Variants in KAT6B observed in about 807,000 individuals in gnomAD.
KAT6B encodes the protein lysine acetyltransferase 6B.
A neutral mutation model predicts 187.5 loss-of-function variants in KAT6B; 10 were observed. That is an observed-to-expected ratio of 0.05 (90% CI 0.03 to 0.09). The LOEUF is 0.09. Among genes scored for constraint, KAT6B ranks in the 10% least tolerant of loss-of-function variants. The probability of loss-of-function intolerance (pLI) is 1.00; values close to 1 mark genes in which losing one functional copy is unlikely to be tolerated. For missense variants in KAT6B, 1,952 were observed against 2,558.9 expected, an observed-to-expected ratio of 0.76 and a Z score of 5.12; for synonymous variants, 861 against 926.8, an observed-to-expected ratio of 0.93 and a Z score of 1.29.
rs1291163835 is a variant in KAT6B at position 74,826,666 on chromosome 10, T to C, written c.-448T>C. ...CACAAAATGGCGGCGGCTTAGCTCC[T>C]ACCCCTGGCGGCGGCGGCAGCGGTG... On this transcript the variant is annotated 5_prime_UTR_variant, in exon 1 of 18. Transcript: ENST00000287239. 6.5e-6 allele frequency: 1 copy of C among 153,622 alleles called. No individual in the cohort carries two copies. Among genetic ancestry groups the C allele is most frequent in the Admixed American group, 6.6e-5 (1 of 15,256 alleles). The allele number at this position is 153,622 out of a possible 1,614,324, so 9.5% of individuals were successfully genotyped here.
At chr10:74,911,511 G>A (rs1385337384) in intron 3 of KAT6B, among the ~76,000 whole-genome samples, 5 of 151,792 alleles carry the variant, frequency 3.3e-5, no homozygotes, top group African/African-American at 7.3e-5. Flanking sequence ...CAAGTGATCC[G>A]CCTGCTTCAG....
chr10:74,891,533 AT>A (rs1266724615), intron 3 of KAT6B, among the ~76,000 whole-genome samples: 3 of 152,240 alleles, frequency 2.0e-5, no homozygotes, highest in African/African-American at 7.2e-5. Context: ...AACATGTATT[AT>A]TTATCATTTT....
At chr10:74,968,433 T>C (rs1193968630) in intron 4 of KAT6B, among the ~76,000 whole-genome samples, 1 of 152,072 alleles carries the variant, frequency 6.6e-6, no homozygotes, top group Non-Finnish European at 1.5e-5. Context: ...ACGGTATTGG[T>C]GATTGATTTT....
Position 75,030,862 on chromosome 10 carries a change from T to A in KAT6B, c.6038T>A (p.Met2013Lys), listed in dbSNP as rs747788158. The A allele has an allele frequency of 2.5e-6, 4 of 1,614,066 alleles. No individual in the cohort carries two copies. The highest frequency in any genetic ancestry group is 2.5e-6 in the Non-Finnish European group (3 of 1,180,048). The change falls in exon 18 of 18, where the codon ATG becomes AAG. Residue 2013 changes from methionine (M) to lysine (K), a missense_variant. By Grantham distance (95) the Met-to-Lys change is moderately conservative. Around this residue, in one of 9 missense-constraint regions of KAT6B, gnomAD observed 358 missense variants for 436.3 expected, o/e 0.82. Transcript: ENST00000287239. The surrounding 1 kb of genome is among the most constrained non-coding windows in gnomAD (Gnocchi z 4.8). ...NSGYHSNHGY[M>K]NQTPQYPMQM... Reference sequence around the variant, plus strand: ...GGCTACCACAGCAATCATGGCTATATGAATCAAACGCCCCAATACCCTATG... The same window carrying A: ...GGCTACCACAGCAATCATGGCTATAAGAATCAAACGCCCCAATACCCTATG...
chr10:74,911,591 AATTCC>A (rs1218747269), intron 3 of KAT6B, among the ~76,000 whole-genome samples: 3 of 152,062 alleles, frequency 2.0e-5, no homozygotes, highest in Non-Finnish European at 4.4e-5. Context: ...CTGTTTTTAC[AATTCC>A]ATGCCATGTT....
chr10:74,996,548 A>T (rs1843441690), intron 13 of KAT6B, among the ~76,000 whole-genome samples: 1 of 151,998 alleles, frequency 6.6e-6, no homozygotes, highest in South Asian at 2.1e-4. Flanking sequence ...AGGCAGGCAG[A>T]TCACGAGGTC....
intron 7 of KAT6B, 75 bp from the exon 8 acceptor site, chr10:74,975,324 C>A: frequency 8.3e-7 from 1 of 1,205,242 alleles, no homozygotes; most frequent in Non-Finnish European, 1.2e-6. Flanking sequence ...CATCTAGTTG[C>A]AATAAATTTG....
At chr10:74,842,136 T>C (rs1841789390) in intron 2 of KAT6B, among the ~76,000 whole-genome samples, 2 of 152,238 alleles carry the variant, frequency 1.3e-5, no homozygotes, top group African/African-American at 4.8e-5. Context: ...TTTTTACGTA[T>C]GAGACTTGGG....
chr10:74,968,113 A>G (rs577133572), intron 4 of KAT6B, among the ~76,000 whole-genome samples: 2 of 152,258 alleles, frequency 1.3e-5, no homozygotes, highest in Non-Finnish European at 2.9e-5. Context: ...GAGGGCTCTG[A>G]TCAAAGTAGA....
At chr10:74,873,980 CATTA>C (rs1844208278) in intron 3 of KAT6B, among the ~76,000 whole-genome samples, 1 of 151,714 alleles carries the variant, frequency 6.6e-6, no homozygotes, top group Non-Finnish European at 1.5e-5. Flanking sequence ...AATTGTCTCT[CATTA>C]ATTGATTGTG....
intron 3 of KAT6B, among the ~76,000 whole-genome samples, chr10:74,888,244 A>G (rs1442455579): frequency 6.6e-6 from 1 of 152,212 alleles, no homozygotes; most frequent in Non-Finnish European, 1.5e-5. Flanking sequence ...CTGGGAAGTG[A>G]TGAATAAATT....
chr10:74,901,370 G>C (rs529594869), intron 3 of KAT6B, among the ~76,000 whole-genome samples: 1 of 152,340 alleles, frequency 6.6e-6, no homozygotes, highest in East Asian at 1.9e-4. Flanking sequence ...ACTTCTGGCT[G>C]TGTGGGCAGG....
intron 3 of KAT6B, among the ~76,000 whole-genome samples, chr10:74,942,451 C>A (rs1849739559): frequency 6.6e-6 from 1 of 151,938 alleles, no homozygotes; most frequent in Non-Finnish European, 1.5e-5. Flanking sequence ...CTTTTGTCAA[C>A]CTGATAAAAG....
At chr10:74,918,227 T>TATA (rs2133022039) in intron 3 of KAT6B, among the ~76,000 whole-genome samples, 1 of 152,352 alleles carries the variant, frequency 6.6e-6, no homozygotes, top group Non-Finnish European at 1.5e-5. Context: ...GGGCACCTAT[T>TATA]ATATGGCAGG....
chr10:75,022,064 A>G lies in KAT6B; in HGVS notation c.3205A>G (p.Ser1069Gly), dbSNP rs1234114520. The change falls in exon 16 of 18, where the codon AGT becomes GGT. Residue 1069 changes from serine to glycine, a missense_variant. Ser to Gly is a moderately conservative substitution (Grantham distance 56). Around this residue, in one of 9 missense-constraint regions of KAT6B, gnomAD observed 758 missense variants for 891.4 expected, o/e 0.85. Coordinates refer to ENST00000287239, the MANE Select transcript of KAT6B (RefSeq NM_012330.4). ...GQLLELSKES[S>G]EEEEEEEDEE... ...GCTGCTGGAGCTGTCTAAAGAGAGC[A>G]GTGAAGAAGAAGAGGAGGAGGAGGA... The G allele has an allele frequency of 1.9e-6, 3 of 1,613,782 alleles. No homozygotes were observed. The highest frequency in any genetic ancestry group is 2.5e-6 in the Non-Finnish European group (3 of 1,179,926).
intron 3 of KAT6B, among the ~76,000 whole-genome samples, chr10:74,897,780 A>G (rs1190357407): frequency 2.6e-5 from 4 of 152,226 alleles, no homozygotes; most frequent in African/African-American, 9.6e-5. Context: ...TTAAAAATTT[A>G]AATGTCTTCA....
chr10:74,825,155 G>C (rs927822660), upstream of KAT6B, among the ~76,000 whole-genome samples: 6 of 152,162 alleles, frequency 3.9e-5, no homozygotes, highest in African/African-American at 7.2e-5. The surrounding 1 kb of genome is among the most constrained non-coding windows in gnomAD (Gnocchi z 5.0). Context: ...GCGATCGCCC[G>C]AAGGCGCAAA....
chr10:74,859,072 G>T (rs188316959), intron 3 of KAT6B, among the ~76,000 whole-genome samples: 148 of 151,978 alleles, frequency 9.7e-4, no homozygotes, highest in African/African-American at 3.5e-3. Context: ...AACATCTGAA[G>T]AATTTTATGT....
At chr10:75,001,292 CTT>C (rs1192772322) in intron 13 of KAT6B, among the ~76,000 whole-genome samples, 1 of 152,132 alleles carries the variant, frequency 6.6e-6, no homozygotes, top group Non-Finnish European at 1.5e-5. Flanking sequence ...CTTGTTTCTC[CTT>C]TAGCCTCTGA....
Sources: gnomAD v4.1 joint callset for allele counts (sites outside exome capture counted in the v4.1 genomes callset) on GRCh38, gnomAD v4.1.1 for gene constraint, gnomAD v4.1.1 regional missense constraint, Gnocchi (gnomAD v3.1) non-coding constraint, MANE v1.5 for transcripts, NCBI Gene and HGNC (gene_info 2026-07-23, HGNC 2026-07-21) for gene names.